The following GPBP1 variants were observed in gnomAD, a reference collection of about 807,000 sequenced individuals.
GPBP1 encodes the protein GC-rich promoter binding protein 1, also known as vasculin.
Under a neutral mutation model 56.5 loss-of-function variants are expected in GPBP1, and 13 were observed. The observed-to-expected ratio is 0.23, with a 90% CI of 0.15 to 0.37. The LOEUF (loss-of-function observed/expected upper bound fraction) is 0.37. Among genes scored for constraint, GPBP1 ranks in the 10% least tolerant of loss-of-function variants. The pLI, the probability that GPBP1 is intolerant of heterozygous loss-of-function variation, is 1.00. For synonymous variants in GPBP1, 204 were observed against 188.9 expected, an observed-to-expected ratio of 1.08 and a Z score of -0.66; for missense variants, 477 against 572.3, an observed-to-expected ratio of 0.83 and a Z score of 1.70.
intron 2 of GPBP1, among the ~76,000 whole-genome samples, chr5:57,200,021 CTTTTTTTTTTTTTT>C (rs61426559): frequency 1.4e-4 from 8 of 58,898 alleles, no homozygotes; most frequent in East Asian, 5.1e-4. Context: ...ACTTGAAAAT[CTTTTTTTTTTTTTT>C]TTTTTTTTTT....
At chr5:57,211,693 C>G (rs897093994) in intron 2 of GPBP1, among the ~76,000 whole-genome samples, 2 of 151,876 alleles carry the variant, frequency 1.3e-5, no homozygotes, top group African/African-American at 4.8e-5. Context: ...AAGCAATTCT[C>G]CTGCCTCAGC....
At chr5:57,217,261 G>T (rs1755736258) in intron 3 of GPBP1, among the ~76,000 whole-genome samples, 1 of 152,124 alleles carries the variant, frequency 6.6e-6, no homozygotes, top group South Asian at 2.1e-4. Context: ...CCTCCAGCAT[G>T]ATCTAGTGTG....
At chr5:57,194,389 T>C (rs1015949740) in intron 2 of GPBP1, among the ~76,000 whole-genome samples, 1 of 152,198 alleles carries the variant, frequency 6.6e-6, no homozygotes, top group Non-Finnish European at 1.5e-5. Context: ...GTAAAAAATA[T>C]ATATATATTT....
intron 3 of GPBP1, among the ~76,000 whole-genome samples, chr5:57,215,996 T>C (rs1471914248): frequency 6.6e-6 from 1 of 152,212 alleles, no homozygotes; most frequent in Admixed American, 6.5e-5. Context: ...TTTGAGTCAT[T>C]ACTCCACGCG....
chr5:57,220,162 A>C (rs1048119973), intron 3 of GPBP1, among the ~76,000 whole-genome samples: 1 of 149,834 alleles, frequency 6.7e-6, no homozygotes, highest in Non-Finnish European at 1.5e-5. Context: ...TTAAAAAATT[A>C]AAAAAAAAAT....
chr5:57,181,131 C>G (rs1011682222), intron 2 of GPBP1, among the ~76,000 whole-genome samples: 54 of 152,082 alleles, frequency 3.6e-4, no homozygotes, highest in African/African-American at 1.1e-3. Flanking sequence ...ATTAGGAGTT[C>G]GAGACTAGCC....
At chr5:57,239,955 T>G (rs1162022478) in intron 6 of GPBP1, among the ~76,000 whole-genome samples, 1 of 151,906 alleles carries the variant, frequency 6.6e-6, no homozygotes, top group Non-Finnish European at 1.5e-5. Context: ...TGATAAGTTT[T>G]CTCTTCAAAT....
chr5:57,203,130 A>G (rs2111707150), intron 2 of GPBP1, among the ~76,000 whole-genome samples: 1 of 152,288 alleles, frequency 6.6e-6, no homozygotes, highest in East Asian at 1.9e-4. Flanking sequence ...TGTATCTTTA[A>G]TATGTCTCAA....
intron 2 of GPBP1, among the ~76,000 whole-genome samples, chr5:57,183,696 A>G (rs557675461): frequency 4.6e-5 from 7 of 151,938 alleles, no homozygotes; most frequent in African/African-American, 1.7e-4. Flanking sequence ...ATACTAGTCT[A>G]TGTTTTTGTA....
At chr5:57,256,574 A>G (rs1033242316) in intron 10 of GPBP1, among the ~76,000 whole-genome samples, 2 of 152,124 alleles carry the variant, frequency 1.3e-5, no homozygotes, top group African/African-American at 4.8e-5. Context: ...TAGTGTGGAC[A>G]TGAAGATGAA....
Position 57,214,103 on chromosome 5 carries a change from T to G in GPBP1, c.-28T>G, listed in dbSNP as rs1419408906. The G allele has an allele frequency of 1.2e-6, 2 of 1,607,372 alleles. No homozygotes were observed. The highest frequency in any genetic ancestry group is 1.7e-6 in the Non-Finnish European group (2 of 1,173,854). On this transcript the variant is annotated 5_prime_UTR_variant, in exon 3 of 12. Coordinates refer to ENST00000506184, the MANE Select transcript of GPBP1 (RefSeq NM_022913.4). The stretch of plus-strand genomic sequence containing the variant: ...TTGCCATGAGGTGTTGAAGCCTTGT[T>G]TCACTGAGTTGGAGAGACTGGACCT...
intron 3 of GPBP1, among the ~76,000 whole-genome samples, chr5:57,217,195 T>C (rs906454607): frequency 1.3e-5 from 2 of 152,154 alleles, no homozygotes; most frequent in Non-Finnish European, 2.9e-5. Context: ...TAAAAAGTTG[T>C]AATACAATTT....
rs1469324094 is a variant in GPBP1 at position 57,263,070 on chromosome 5, T to C, written c.*318T>C. On this transcript the variant is annotated 3_prime_UTR_variant, in exon 12 of 12. Transcript: ENST00000506184. Reference sequence around the variant, plus strand: ...TTTCTCATTTAATAATAAAAAATTGTGTAATGTTTTGCAAAGCTTCTGTCT... The same window carrying C: ...TTTCTCATTTAATAATAAAAAATTGCGTAATGTTTTGCAAAGCTTCTGTCT... The C allele has an allele frequency of 1.1e-5, 2 of 188,700 alleles. No homozygotes were observed. The highest frequency in any genetic ancestry group is 2.3e-5 in the African/African-American group (1 of 42,686). 11.7% of individuals were successfully genotyped at this position (188,700 alleles called of 1,614,324 possible).
intron 2 of GPBP1, among the ~76,000 whole-genome samples, chr5:57,178,737 AT>A (rs1228575484): frequency 1.3e-5 from 2 of 152,122 alleles, no homozygotes. Context: ...TATTTTCAGT[AT>A]TTTATTTTTC....
At chr5:57,239,751 G>C (rs958996682) in intron 6 of GPBP1, among the ~76,000 whole-genome samples, 1 of 152,188 alleles carries the variant, frequency 6.6e-6, no homozygotes, top group African/African-American at 2.4e-5. Flanking sequence ...CTGCACTCCA[G>C]CCTGGGCGAC....
At chr5:57,229,368 CTGGCTA>C (rs2111844046) in intron 3 of GPBP1, among the ~76,000 whole-genome samples, 1 of 150,972 alleles carries the variant, frequency 6.6e-6, no homozygotes, top group Non-Finnish European at 1.5e-5. Context: ...ACAAGAGAAC[CTGGCTA>C]TGTTTTCATG....
At chr5:57,226,428 G>T (rs1243381313) in intron 3 of GPBP1, among the ~76,000 whole-genome samples, 3 of 152,056 alleles carry the variant, frequency 2.0e-5, no homozygotes, top group African/African-American at 7.2e-5. Context: ...TCTCTGTCAG[G>T]AAGATTAATA....
chr5:57,174,851 C>T (rs1038811998), intron 1 of GPBP1, among the ~76,000 whole-genome samples: 2 of 152,208 alleles, frequency 1.3e-5, no homozygotes, highest in African/African-American at 4.8e-5. Flanking sequence ...TGGAAACCTA[C>T]ACCTTCTAGC....
At chr5:57,230,244 C>T (rs1756393051) in intron 3 of GPBP1, among the ~76,000 whole-genome samples, 1 of 152,114 alleles carries the variant, frequency 6.6e-6, no homozygotes, top group East Asian at 1.9e-4. Context: ...AAATTAAATT[C>T]TTTAAAAAAA....
Sources: gnomAD v4.1 joint callset for allele counts (sites outside exome capture counted in the v4.1 genomes callset) on GRCh38, gnomAD v4.1.1 for gene constraint, MANE v1.5 for transcripts, NCBI Gene and HGNC (gene_info 2026-07-23, HGNC 2026-07-21) for gene names.